Variants in PLD1 observed in about 807,000 individuals in gnomAD.
The protein encoded by PLD1 is choline phosphatase 1.
In PLD1, 112 loss-of-function variants were observed where a neutral mutation model predicts 137.1. The ratio of observed to expected loss-of-function variants is 0.82; its 90% CI spans 0.70 to 0.96. The LOEUF (loss-of-function observed/expected upper bound fraction) is 0.96, where lower values mean the gene tolerates loss of function less well. PLD1 is among the 40% of genes least tolerant of loss of function. The probability of loss-of-function intolerance (pLI) is 0.00; values close to 1 mark genes in which losing one functional copy is unlikely to be tolerated. For synonymous variants in PLD1, 431 were observed against 454.7 expected, an observed-to-expected ratio of 0.95 and a Z score of 0.66; for missense variants, 1,321 against 1,342.0, an observed-to-expected ratio of 0.98 and a Z score of 0.24.
chr3:171,686,666 C>T lies in PLD1; in HGVS notation c.1867+19G>A. ...AAGCTCAAGCCTAAGGGAGTTCTGC[C>T]ACTTCACAAATTACTTACCAGCATG... On this transcript the variant is annotated intron_variant, in intron 16 of 26. Coordinates refer to ENST00000351298, the MANE Select transcript of PLD1 (RefSeq NM_002662.5). 1 of 1,231,908 alleles carries T rather than the reference C, an allele frequency of 8.1e-7. No homozygotes were observed. The highest frequency in any genetic ancestry group is 1.2e-6 in the Non-Finnish European group (1 of 845,318). 76.3% of individuals were successfully genotyped at this position (1,231,908 alleles called of 1,614,324 possible). A position where few individuals can be genotyped will look rare whatever the true frequency, so the allele number is the denominator to read the frequency against.
intron 8 of PLD1, among the ~76,000 whole-genome samples, chr3:171,720,858 C>G (rs571054490): frequency 1.3e-5 from 2 of 152,196 alleles, no homozygotes; most frequent in Non-Finnish European, 1.5e-5. Flanking sequence ...TGTAACAAAG[C>G]CTTTCCCTCA....
rs369020389 is a variant in PLD1, at chr3:171,649,529, C to T, written c.2430-4506G>A. Among the ~76,000 whole-genome samples the T allele has an allele frequency of 3.9e-5, 6 of 152,254 alleles. No individual in the cohort carries two copies. The East Asian group carries it at 5.8e-4, about 15-fold the overall frequency. ...AGCTGCTGAGGAATCCAACGTCCTT[C>T]GGAAATACTGAATCCTCACAACATG... On this transcript the variant is annotated intron_variant, in intron 21 of 26. Transcript: ENST00000351298.
Position 171,738,099 on chromosome 3 carries a change from C to G in PLD1, c.-31-17G>C, listed in dbSNP as rs200819903. ...GCAAAGGGGCTAGGAAAGAAGAAAA[C>G]GGTTACAAAGACTTAGCATTTTGAT... On this transcript the variant is annotated splice_polypyrimidine_tract_variant and intron_variant, in intron 1 of 26. Transcript: ENST00000351298. 1 of 1,468,972 alleles carries G rather than the reference C, an allele frequency of 6.8e-7. No homozygotes were observed. The highest frequency in any genetic ancestry group is 2.1e-5 in the Admixed American group (1 of 48,752). The allele number at this position is 1,468,972 out of a possible 1,614,324, so 91.0% of individuals were successfully genotyped here.
chr3:171,673,462 G>A (rs1445202901), intron 19 of PLD1, among the ~76,000 whole-genome samples: 1 of 152,024 alleles, frequency 6.6e-6, no homozygotes, highest in Non-Finnish European at 1.5e-5. Flanking sequence ...CTTATTTTTA[G>A]TAGAGACAGG....
At chr3:171,635,693 A>G (rs1215723023) in intron 23 of PLD1, among the ~76,000 whole-genome samples, 2 of 151,904 alleles carry the variant, frequency 1.3e-5, no homozygotes, top group Non-Finnish European at 2.9e-5. Flanking sequence ...TGATTTGCAA[A>G]TGGTTTTCTC....
intron 1 of PLD1, among the ~76,000 whole-genome samples, chr3:171,753,830 G>T (rs1001827821): frequency 1.3e-5 from 2 of 151,978 alleles, no homozygotes; most frequent in Non-Finnish European, 2.9e-5. Flanking sequence ...CCCTTCTACC[G>T]CTTCTCTCTC....
At chr3:171,764,937 A>AAG (rs1560289331) in intron 1 of PLD1, among the ~76,000 whole-genome samples, 31 of 11,208 alleles carry the variant, frequency 2.8e-3, no homozygotes, top group Non-Finnish European at 3.4e-3. Flanking sequence ...AAGAAAGGAA[A>AAG]GAAAGAAAGA....
At chr3:171,788,823 C>T (rs1303410337) in intron 1 of PLD1, 1 of 152,182 alleles carries the variant, frequency 6.6e-6, no homozygotes, top group African/African-American at 2.4e-5. Flanking sequence ...CTTCAACTGC[C>T]AACTCTGGTA....
At chr3:171,652,460 A>C (rs1159067241) in intron 21 of PLD1, among the ~76,000 whole-genome samples, 2 of 151,870 alleles carry the variant, frequency 1.3e-5, no homozygotes, top group East Asian at 3.9e-4. Flanking sequence ...TCTTTAAGAC[A>C]AGGCTTCTGA....
At chr3:171,655,293 G>C (rs1382360848) in intron 21 of PLD1, among the ~76,000 whole-genome samples, 1 of 152,180 alleles carries the variant, frequency 6.6e-6, no homozygotes, top group Admixed American at 6.5e-5. Flanking sequence ...GCACATCATG[G>C]CACCTAATTA....
At chr3:171,775,215 T>C (rs906744551) in intron 1 of PLD1, among the ~76,000 whole-genome samples, 5 of 152,210 alleles carry the variant, frequency 3.3e-5, no homozygotes, top group Non-Finnish European at 7.3e-5. Context: ...TTCTTAGACA[T>C]CAAGGATTTT....
At chr3:171,704,272 C>T (rs896954181) in intron 11 of PLD1, among the ~76,000 whole-genome samples, 20 of 152,152 alleles carry the variant, frequency 1.3e-4, no homozygotes, top group African/African-American at 3.9e-4. Context: ...ACAACAAAAC[C>T]GGCATTAAAA....
chr3:171,774,688 T>G (rs1722530409), intron 1 of PLD1, among the ~76,000 whole-genome samples: 1 of 152,182 alleles, frequency 6.6e-6, no homozygotes, highest in Non-Finnish European at 1.5e-5. Context: ...AGGAGGCTTG[T>G]GCCGTAAACC....
chr3:171,775,651 T>C (rs1722563423), intron 1 of PLD1, among the ~76,000 whole-genome samples: 1 of 152,134 alleles, frequency 6.6e-6, no homozygotes, highest in East Asian at 1.9e-4. Context: ...AAGACCAGCC[T>C]GGCCGACATG....
At chr3:171,622,316 T>G (rs1217057041) in intron 23 of PLD1, among the ~76,000 whole-genome samples, 1 of 152,210 alleles carries the variant, frequency 6.6e-6, no homozygotes, top group Middle Eastern at 3.2e-3. Context: ...GAATTCTGAT[T>G]CAGCGGAAAT....
At chr3:171,676,953 TTGGC>T in intron 17 of PLD1, 120 bp from the exon 18 acceptor site, 1 of 629,742 alleles carries the variant, frequency 1.6e-6, no homozygotes, top group East Asian at 2.8e-5. Flanking sequence ...TATATATTTC[TTGGC>T]TTGCATAGAA....
intron 23 of PLD1, among the ~76,000 whole-genome samples, chr3:171,627,618 C>G (rs1051504156): frequency 4.1e-4 from 62 of 152,254 alleles, no homozygotes; most frequent in African/African-American, 1.4e-3. Flanking sequence ...AAGTAAAGCT[C>G]TCCTCAGCAA....
chr3:171,721,797 G>T (rs1444477423), intron 8 of PLD1, among the ~76,000 whole-genome samples: 5 of 149,468 alleles, frequency 3.3e-5, no homozygotes, highest in African/African-American at 1.2e-4. Context: ...AAAAAAAAAA[G>T]AAAAAAAACT....
At position 171,603,118 on chromosome 3, in the gene PLD1, C is replaced by T. The variant is rs1731943334; in HGVS notation, c.3185G>A (p.Gly1062Glu). The T allele has an allele frequency of 1.2e-6, 2 of 1,613,966 alleles. No individual in the cohort carries two copies. The highest frequency in any genetic ancestry group is 1.7e-6 in the Non-Finnish European group (2 of 1,179,968). Residue 1062 changes from glycine to glutamate, a missense_variant, in exon 27 of 27, where the codon GGG becomes GAG. Transcript: ENST00000351298. ...LSEESLLPSV[G>E]TKEAIVPMEV... ...CATGGGCACTATGGCCTCTTTGGTC[C>T]CAACAGAAGGCAGTAGGCTTTCTTC...
Sources: allele counts gnomAD v4.1 joint callset (sites outside exome capture counted in the v4.1 genomes callset), GRCh38; gene constraint gnomAD v4.1.1; transcripts MANE v1.5; gene names NCBI Gene and HGNC (gene_info 2026-07-23, HGNC 2026-07-21).